The following ALG9 variants were observed in gnomAD, a reference collection of about 807,000 sequenced individuals.
ALG9 encodes alpha-1,2-mannosyltransferase ALG9.
In ALG9, 55 loss-of-function variants were observed where a neutral mutation model predicts 81.8. That is an observed-to-expected ratio of 0.67 (90% CI 0.54 to 0.84). The LOEUF (loss-of-function observed/expected upper bound fraction) is 0.84, where lower values mean the gene tolerates loss of function less well. ALG9 is among the 40% of genes least tolerant of loss of function. The pLI is 0.00. For synonymous variants in ALG9, 278 were observed against 274.3 expected (o/e 1.01, Z -0.13); for missense variants, 629 against 745.0 (o/e 0.84, Z 1.81).
chr11:111,825,194 C>A (rs1953025649), intron 13 of ALG9, among the ~76,000 whole-genome samples: 1 of 152,158 alleles, frequency 6.6e-6, no homozygotes. Flanking sequence ...TTGGGGAGGC[C>A]TCTCTTTAGC....
At chr11:111,780,302 A>T (rs544863853), downstream of ALG9, among the ~76,000 whole-genome samples, 4 of 152,248 alleles carry the variant, frequency 2.6e-5, no homozygotes, top group Admixed American at 2.6e-4. Flanking sequence ...CTTGTATTTC[A>T]GGAGAATTGG....
chr11:111,802,464 G>A (rs1555081236), intron 14 of ALG9, among the ~76,000 whole-genome samples: 1 of 152,218 alleles, frequency 6.6e-6, no homozygotes, highest in Non-Finnish European at 1.5e-5. Flanking sequence ...TATATGAAAT[G>A]TCCAGAAAAG....
At chr11:111,774,834 G>A in the ALG9 span, among the ~76,000 whole-genome samples, 1 of 152,186 alleles carries the variant, frequency 6.6e-6, no homozygotes, top group Non-Finnish European at 1.5e-5. Context: ...CCATAGATGT[G>A]TATGATAAGT....
At chr11:111,804,388 T>G (rs967694356) in intron 14 of ALG9, among the ~76,000 whole-genome samples, 3 of 151,914 alleles carry the variant, frequency 2.0e-5, no homozygotes, top group Admixed American at 6.6e-5. Context: ...AAAAGACATA[T>G]CAAATAAAGG....
At chr11:111,836,316 T>C (rs1955267618) in intron 12 of ALG9, 22 bp from the exon 13 acceptor site, 2 of 1,613,322 alleles carry the variant, frequency 1.2e-6, no homozygotes, top group East Asian at 4.5e-5. Context: ...ACAAGGAGAA[T>C]AAGAAAAACA....
At chr11:111,816,927 G>A (rs754547723) in intron 13 of ALG9, among the ~76,000 whole-genome samples, 1 of 152,272 alleles carries the variant, frequency 6.6e-6, no homozygotes, top group Middle Eastern at 3.4e-3. Context: ...TGCAGAAAGT[G>A]TTATTAAAAA....
chr11:111,788,408 T>C, intron 14 of ALG9: 3 of 453,886 alleles, frequency 6.6e-6, no homozygotes, highest in Non-Finnish European at 1.3e-5. Flanking sequence ...AGGGCTCCTA[T>C]AAATAAAATG....
chr11:111,851,494 AAGAG>A (rs1239845828), intron 8 of ALG9, among the ~76,000 whole-genome samples: 12 of 151,312 alleles, frequency 7.9e-5, no homozygotes, highest in African/African-American at 2.9e-4. Flanking sequence ...AAAAAAAAAA[AAGAG>A]AGAGAGAGAT....
At chr11:111,773,245 A>G in the ALG9 span, among the ~76,000 whole-genome samples, 1 of 149,456 alleles carries the variant, frequency 6.7e-6, no homozygotes, top group Admixed American at 6.7e-5. Context: ...ACAATGGTAG[A>G]TTTTTTTTTT....
chr11:111,860,585 A>G lies in ALG9; in HGVS notation c.527T>C (p.Phe176Ser). The G allele has an allele frequency of 1.9e-6, 3 of 1,614,154 alleles. No homozygotes were observed. Among genetic ancestry groups the G allele is most frequent in the Non-Finnish European group, 2.5e-6 (3 of 1,180,000 alleles). Residue 176 changes from phenylalanine (F) to serine (S), a missense_variant, in exon 5 of 15, where the codon TTC becomes TCC. Around this residue, in one of 3 missense-constraint regions of ALG9, gnomAD observed 344 missense variants for 390.5 expected, o/e 0.88. Coordinates refer to ENST00000616540, the MANE Select transcript of ALG9 (RefSeq NM_024740.2). ...AAACATGCCAGTGCTGAGAACCAAG[A>G]AGGCTAGCATCATTCGACTCACGTG... Reference protein sequence around the residue: ...GLHVSRMMLAFLVLSTGMFCS... With the variant: ...GLHVSRMMLASLVLSTGMFCS...
At chr11:111,768,503 T>G in the ALG9 span, among the ~76,000 whole-genome samples, 1 of 152,166 alleles carries the variant, frequency 6.6e-6, no homozygotes, top group Non-Finnish European at 1.5e-5. Context: ...CGCGTGCCTG[T>G]CTTCCCAGTT....
intron 13 of ALG9, among the ~76,000 whole-genome samples, chr11:111,832,932 T>A (rs1954633603): frequency 6.6e-6 from 1 of 152,084 alleles, no homozygotes. Flanking sequence ...CTCAGGAGCT[T>A]GAAGTGGAAG....
intron 3 of ALG9, among the ~76,000 whole-genome samples, chr11:111,868,068 T>G (rs1963067720): frequency 6.6e-6 from 1 of 152,158 alleles, no homozygotes. Context: ...GCTGAAAAAG[T>G]ATTCAAAAAA....
chr11:111,827,330 G>C (rs1245507904), intron 13 of ALG9, among the ~76,000 whole-genome samples: 1 of 152,020 alleles, frequency 6.6e-6, no homozygotes, highest in African/African-American at 2.4e-5. Context: ...TACAAAATTA[G>C]CCAGGCGGGG....
At chr11:111,859,905 G>C (rs540960987) in intron 5 of ALG9, among the ~76,000 whole-genome samples, 30 of 152,056 alleles carry the variant, frequency 2.0e-4, no homozygotes, top group Non-Finnish European at 4.3e-4. Flanking sequence ...GGAGAACTGG[G>C]AATAGACTAC....
Position 111,842,014 on chromosome 11 carries a change from A to G in ALG9, c.1019-1205T>C, listed in dbSNP as rs192182788. Among the ~76,000 whole-genome samples the G allele has an allele frequency of 3.9e-5, 6 of 152,298 alleles. No homozygotes were observed. In the East Asian group the frequency reaches 1.2e-3, roughly 29 times the overall value. On this transcript the variant is annotated intron_variant, in intron 9 of 14. Coordinates refer to ENST00000616540, the MANE Select transcript of ALG9 (RefSeq NM_024740.2). ...CAGGTTCGAATGATTCTCCTGCCTC[A>G]GCCTCCTTAGTAGCTGGGATTACAG... is the stretch of plus-strand genomic sequence containing the variant.
chr11:111,837,479 A>G lies in ALG9; in HGVS notation c.1461T>C (p.Leu487=). 6.2e-7 allele frequency: 1 copy of G among 1,614,154 alleles called. No individual in the cohort carries two copies. Among genetic ancestry groups the G allele is most frequent in the Middle Eastern group, 1.7e-4 (1 of 6,026 alleles). Residue 487 remains leucine (L), a synonymous_variant, in exon 12 of 15, where the codon CTT becomes CTC. Coordinates refer to ENST00000616540, the MANE Select transcript of ALG9 (RefSeq NM_024740.2). ...AAAGGACAACTTACTTGTCAGGAAGAAGGAAGCTGCTGGGAAATCGATACC... is the reference window on the plus strand; with the variant it reads ...AAAGGACAACTTACTTGTCAGGAAGGAGGAAGCTGCTGGGAAATCGATACC... ...KEWYRFPSSF[L]LPDNWQLQFI... is the part of the protein sequence containing the mutation.
chr11:111,837,531 G>C lies in ALG9; in HGVS notation c.1409C>G (p.Pro470Arg), dbSNP rs1555118700. The change falls in exon 12 of 15, where the codon CCT becomes CGT. Residue 470 changes from proline (P) to arginine (R), a missense_variant. By Grantham distance (103) the Pro-to-Arg change is moderately radical. Around this residue, in one of 3 missense-constraint regions of ALG9, gnomAD observed 264 missense variants for 302.2 expected, o/e 0.87. Coordinates refer to ENST00000616540, the MANE Select transcript of ALG9 (RefSeq NM_024740.2). Reference protein sequence around the residue: ...PTIHTVPEGRPVNVCVGKEWY... With the variant: ...PTIHTVPEGRRVNVCVGKEWY... ...CTCTTTTCCCACACAGACATTCACAGGTCTGCCTTCTGGGACAGTGTGGAT... is the reference window on the plus strand; with the variant it reads ...CTCTTTTCCCACACAGACATTCACACGTCTGCCTTCTGGGACAGTGTGGAT... 2 of 1,613,990 alleles carry C rather than the reference G, an allele frequency of 1.2e-6. No homozygotes were observed. Among genetic ancestry groups the C allele is most frequent in the African/African-American group, 2.7e-5 (2 of 74,932 alleles).
At chr11:111,870,856 C>G (rs962958787) in intron 1 of ALG9, 137 of 1,002,322 alleles carry the variant, frequency 1.4e-4, no homozygotes, top group Non-Finnish European at 1.6e-4. Flanking sequence ...TTCATTCCCC[C>G]TTATGTTCAG....
Sources: allele counts gnomAD v4.1 joint callset (sites outside exome capture counted in the v4.1 genomes callset), GRCh38; gene constraint gnomAD v4.1.1; regional missense constraint gnomAD v4.1.1; transcripts MANE v1.5; gene names NCBI Gene and HGNC (gene_info 2026-07-23, HGNC 2026-07-21).